ITFG1: variants seen among roughly 807,000 people sequenced by gnomAD.
ITFG1 encodes the protein T-cell immunomodulatory protein.
ITFG1 carries 34 observed loss-of-function variants against 81.8 expected under a neutral mutation model. That is an observed-to-expected ratio of 0.42 (90% CI 0.32 to 0.55). ITFG1 has a LOEUF of 0.55. Ranked by LOEUF, ITFG1 falls within the 20% of genes least tolerant of loss-of-function variation. The probability of loss-of-function intolerance (pLI) is 0.17; values close to 1 mark genes in which losing one functional copy is unlikely to be tolerated. For synonymous variants in ITFG1, 285 were observed against 270.6 expected, an observed-to-expected ratio of 1.05 and a Z score of -0.52; for missense variants, 672 against 755.4, an observed-to-expected ratio of 0.89 and a Z score of 1.29.
intron 14 of ITFG1, among the ~76,000 whole-genome samples, chr16:47,215,818 AT>A (rs1300927302): frequency 6.6e-6 from 1 of 152,074 alleles, no homozygotes; most frequent in African/African-American, 2.4e-5. Context: ...AGACATTTAG[AT>A]TTTTTTCAAG....
chr16:47,429,645 G>A (rs1003182458), intron 5 of ITFG1, among the ~76,000 whole-genome samples: 2 of 152,188 alleles, frequency 1.3e-5, no homozygotes, highest in African/African-American at 4.8e-5. Context: ...GTATTTCACT[G>A]TGGTTTGATT....
At chr16:47,424,938 C>G (rs751550022) in intron 6 of ITFG1, among the ~76,000 whole-genome samples, 2 of 152,154 alleles carry the variant, frequency 1.3e-5, no homozygotes, top group Admixed American at 1.3e-4. Context: ...GGAGTTGGAA[C>G]GCCACGCTGA....
intron 12 of ITFG1, among the ~76,000 whole-genome samples, chr16:47,244,747 G>A (rs1429350879): frequency 6.6e-6 from 1 of 151,744 alleles, no homozygotes; most frequent in Non-Finnish European, 1.5e-5. Flanking sequence ...CTTGGAGACA[G>A]GGCCTCTAAG....
intron 12 of ITFG1, among the ~76,000 whole-genome samples, chr16:47,247,631 T>C (rs1966017514): frequency 6.6e-6 from 1 of 152,194 alleles, no homozygotes; most frequent in Admixed American, 6.5e-5. Flanking sequence ...CCTCTCTCTC[T>C]TTTATGGTTT....
intron 7 of ITFG1, among the ~76,000 whole-genome samples, chr16:47,368,981 A>G (rs1202487356): frequency 6.6e-6 from 1 of 152,214 alleles, no homozygotes; most frequent in Non-Finnish European, 1.5e-5. Context: ...ACTTTATTAG[A>G]CAACTTTTCC....
intron 8 of ITFG1, among the ~76,000 whole-genome samples, chr16:47,345,710 A>G (rs760860086): frequency 6.6e-6 from 1 of 152,222 alleles, no homozygotes; most frequent in Non-Finnish European, 1.5e-5. Flanking sequence ...GCTGTAGGCA[A>G]TTTGTAACAT....
At chr16:47,298,907 T>G (rs1284248691) in intron 10 of ITFG1, among the ~76,000 whole-genome samples, 3 of 152,128 alleles carry the variant, frequency 2.0e-5, no homozygotes, top group African/African-American at 7.2e-5. Context: ...CCTGGAGTGC[T>G]CAAGGGCTTG....
chr16:47,399,815 T>G (rs1968638117), intron 6 of ITFG1, among the ~76,000 whole-genome samples: 1 of 152,242 alleles, frequency 6.6e-6, no homozygotes, highest in African/African-American at 2.4e-5. Flanking sequence ...TATAATAACA[T>G]GCCTCGTATC....
At chr16:47,314,070 G>C (rs1967312371) in intron 8 of ITFG1, among the ~76,000 whole-genome samples, 1 of 152,120 alleles carries the variant, frequency 6.6e-6, no homozygotes, top group Non-Finnish European at 1.5e-5. Context: ...ATAGGAGGGA[G>C]GGGGGCAAGG....
At chr16:47,459,764 G>A (rs1052922473) in intron 1 of ITFG1, among the ~76,000 whole-genome samples, 3 of 152,272 alleles carry the variant, frequency 2.0e-5, no homozygotes, top group East Asian at 1.9e-4. Flanking sequence ...TCAAACACAG[G>A]CCATCTTTAA....
At chr16:47,321,655 TG>T (rs1158131442) in intron 8 of ITFG1, among the ~76,000 whole-genome samples, 1 of 152,118 alleles carries the variant, frequency 6.6e-6, no homozygotes, top group Admixed American at 6.5e-5. Context: ...TGCCTGTAGA[TG>T]GGCACTGCAC....
chr16:47,376,756 G>A (rs1331209091), intron 6 of ITFG1, among the ~76,000 whole-genome samples: 1 of 152,050 alleles, frequency 6.6e-6, no homozygotes, highest in Admixed American at 6.5e-5. Context: ...GGGAAGCCGA[G>A]GTGGCAGATC....
intron 8 of ITFG1, among the ~76,000 whole-genome samples, chr16:47,328,566 C>T (rs1293948717): frequency 2.6e-5 from 4 of 152,074 alleles, no homozygotes; most frequent in East Asian, 1.9e-4. Flanking sequence ...TTCTTACACA[C>T]GGTGTTAAAA....
chr16:47,281,714 G>A (rs549396730), intron 10 of ITFG1, among the ~76,000 whole-genome samples: 2 of 152,062 alleles, frequency 1.3e-5, no homozygotes, highest in South Asian at 4.1e-4. Context: ...AACATCTGTA[G>A]TAAAATCTTC....
In ITFG1 at chr16:47,377,476, C is replaced by CT. The variant is rs1968341596; in HGVS notation, c.656-1537dup. 2.0e-5 allele frequency among the ~76,000 whole-genome samples: 3 copies of CT among 152,116 alleles called. No individual in the cohort carries two copies. The South Asian group carries it at 6.2e-4, about 32-fold the overall frequency. ...CTTACCTACCTTTCCAGCCTCAATTCTGTGTTACTCCCTCACAAGAAGATT... is the reference window on the plus strand; with the variant it reads ...CTTACCTACCTTTCCAGCCTCAATTCTTGTGTTACTCCCTCACAAGAAGATT... On this transcript the variant is annotated intron_variant, in intron 6 of 17. Transcript: ENST00000320640.
chr16:47,236,635 A>AAG (rs1965878517), intron 13 of ITFG1, among the ~76,000 whole-genome samples: 1 of 152,126 alleles, frequency 6.6e-6, no homozygotes, highest in Non-Finnish European at 1.5e-5. Context: ...CACAGAATGG[A>AAG]GATATGGTTA....
At chr16:47,398,549 TA>T (rs1482400411) in intron 6 of ITFG1, among the ~76,000 whole-genome samples, 1 of 152,238 alleles carries the variant, frequency 6.6e-6, no homozygotes, top group Non-Finnish European at 1.5e-5. Flanking sequence ...TGGTAATTTA[TA>T]AAAAGCAAGG....
At chr16:47,390,093 G>T (rs1258167531) in intron 6 of ITFG1, among the ~76,000 whole-genome samples, 3 of 152,200 alleles carry the variant, frequency 2.0e-5, no homozygotes, top group Non-Finnish European at 4.4e-5. Context: ...GGAAAGAAAA[G>T]CAGCATGAGA....
chr16:47,355,612 A>G lies in ITFG1; in HGVS notation c.802+10176T>C, dbSNP rs1268802448. Among the ~76,000 whole-genome samples the G allele has an allele frequency of 2.0e-5, 3 of 152,222 alleles. No homozygotes were observed. In the East Asian group the frequency reaches 5.8e-4, roughly 29 times the overall value. On this transcript the variant is annotated intron_variant, in intron 8 of 17. Transcript: ENST00000320640. The stretch of plus-strand genomic sequence containing the variant: ...GATTTGAACGTTACACAATGTATAC[A>G]TGTATTGAAACATCACATTGTATCC...
Sources: gnomAD v4.1 joint callset for allele counts (sites outside exome capture counted in the v4.1 genomes callset) on GRCh38, gnomAD v4.1.1 for gene constraint, MANE v1.5 for transcripts, NCBI Gene and HGNC (gene_info 2026-07-23, HGNC 2026-07-21) for gene names.